The following DIAPH2 variants were observed in gnomAD, a reference collection of about 807,000 sequenced individuals.
DIAPH2 encodes diaphanous related formin 2, also known as protein diaphanous homolog 2.
In DIAPH2, 35 loss-of-function variants were observed where a neutral mutation model predicts 92.7. That is an observed-to-expected ratio of 0.38 (90% CI 0.29 to 0.50). The LOEUF is 0.50. Ranked by LOEUF, DIAPH2 falls within the 20% of genes least tolerant of loss-of-function variation. The probability of loss-of-function intolerance (pLI) is 0.94; values close to 1 mark genes in which losing one functional copy is unlikely to be tolerated. For synonymous variants in DIAPH2, 301 were observed against 280.4 expected, an observed-to-expected ratio of 1.07 and a Z score of -0.73; for missense variants, 701 against 819.5, an observed-to-expected ratio of 0.86 and a Z score of 1.77.
chrX:97,293,398 A>G (rs1384078967), intron 23 of DIAPH2, among the ~76,000 whole-genome samples: 1 of 109,196 alleles, frequency 9.2e-6, no homozygotes, highest in Non-Finnish European at 1.9e-5. Flanking sequence ...GATTACAGGC[A>G]TGCACCACCA....
At chrX:97,264,879 G>T (rs1456617932) in intron 23 of DIAPH2, among the ~76,000 whole-genome samples, 2 of 111,016 alleles carry the variant, frequency 1.8e-5, no homozygotes, top group Admixed American at 9.6e-5. Context: ...AGCTACTTGC[G>T]AGGCTGAGGC....
chrX:96,908,262 A>G (rs1377719670), intron 5 of DIAPH2, among the ~76,000 whole-genome samples: 1 of 111,882 alleles, frequency 8.9e-6, no homozygotes, highest in Non-Finnish European at 1.9e-5. Context: ...TAAAAAGGAA[A>G]GAAAAAATAA....
intron 23 of DIAPH2, among the ~76,000 whole-genome samples, chrX:97,326,364 A>G (rs1382193654): frequency 1.8e-5 from 2 of 112,054 alleles, no homozygotes; most frequent in Admixed American, 1.9e-4. Flanking sequence ...TGCGACCGCC[A>G]TATATTATTA....
chrX:97,560,981 C>T (rs2071290303), intron 26 of DIAPH2, among the ~76,000 whole-genome samples: 1 of 112,107 alleles, frequency 8.9e-6, no homozygotes, highest in South Asian at 3.8e-4. Context: ...CACACATTAC[C>T]ATGCATTTCA....
At chrX:97,554,399 C>T (rs2071243318) in intron 26 of DIAPH2, among the ~76,000 whole-genome samples, 1 of 112,252 alleles carries the variant, frequency 8.9e-6, no homozygotes, top group South Asian at 3.7e-4. Flanking sequence ...ATGCTTAACT[C>T]ATTGTTAAAT....
intron 23 of DIAPH2, among the ~76,000 whole-genome samples, chrX:97,310,737 G>A (rs1321541049): frequency 9.0e-6 from 1 of 111,523 alleles, no homozygotes; most frequent in Non-Finnish European, 1.9e-5. Flanking sequence ...GGTGTGGTGG[G>A]GTGGCTCGCG....
intron 26 of DIAPH2, among the ~76,000 whole-genome samples, chrX:97,597,601 G>T (rs930865655): frequency 2.7e-5 from 3 of 111,894 alleles, no homozygotes; most frequent in Non-Finnish European, 5.6e-5. Flanking sequence ...TCATTCTCAC[G>T]TCTGGTAGCT....
chrX:97,302,841 G>A (rs1165620033), intron 23 of DIAPH2, among the ~76,000 whole-genome samples: 1 of 111,079 alleles, frequency 9.0e-6, no homozygotes, highest in Non-Finnish European at 1.9e-5. Context: ...AAAATTAGCC[G>A]GGCGCGGTGT....
intron 17 of DIAPH2, among the ~76,000 whole-genome samples, chrX:97,047,844 T>C (rs1265254211): frequency 9.1e-6 from 1 of 110,446 alleles, no homozygotes; most frequent in Non-Finnish European, 1.9e-5. Context: ...GCTTTTATCA[T>C]TGACATCATA....
rs1244583512 is a variant in DIAPH2 at position 97,270,632 on chromosome X, C to T, written c.2844+22793C>T. On this transcript the variant is annotated intron_variant, in intron 23 of 26. Coordinates refer to ENST00000324765, the MANE Select transcript of DIAPH2 (RefSeq NM_006729.5). ...TCTGTTTCAGTACCTATAGAAACGA[C>T]AAGGACTTAACCAGCTCTTGAAACA... 2.7e-5 allele frequency among the ~76,000 whole-genome samples: 3 copies of T among 111,769 alleles called. No homozygotes were observed. In the East Asian group the frequency reaches 8.5e-4, roughly 32 times the overall value.
At chrX:97,481,442 G>T (rs757622613) in intron 26 of DIAPH2, among the ~76,000 whole-genome samples, 45 of 111,763 alleles carry the variant, frequency 4.0e-4, no homozygotes, top group African/African-American at 1.5e-3. Flanking sequence ...CAGGATTCTT[G>T]CTGAAGTCAG....
At chrX:97,081,804 G>A (rs1489180286) in intron 19 of DIAPH2, 1 of 94,807 alleles carries the variant, frequency 1.1e-5, no homozygotes, top group African/African-American at 4.0e-5. Context: ...TGGGCAACAA[G>A]AGGGAAACTC....
intron 23 of DIAPH2, among the ~76,000 whole-genome samples, chrX:97,307,908 C>CAAAAAAAAAAAA (rs34217377): frequency 1.5e-5 from 1 of 64,846 alleles, no homozygotes; most frequent in Non-Finnish European, 2.9e-5. Context: ...GACTCTGTCT[C>CAAAAAAAAAAAA]AAAAAAAAAA....
At chrX:97,212,590 G>GT (rs57173350) in intron 22 of DIAPH2, among the ~76,000 whole-genome samples, 2,018 of 67,783 alleles carry the variant, frequency 0.03, 18 homozygotes, top group African/African-American at 0.043. Context: ...AGGGTTTTTT[G>GT]TTTTTTTTTT....
intron 26 of DIAPH2, among the ~76,000 whole-genome samples, chrX:97,580,091 A>C (rs1325831876): frequency 9.0e-6 from 1 of 111,210 alleles, no homozygotes; most frequent in African/African-American, 3.3e-5. Flanking sequence ...GGTTTTCTAG[A>C]TATACAATCA....
intron 23 of DIAPH2, among the ~76,000 whole-genome samples, chrX:97,316,651 G>A (rs942328780): frequency 2.7e-5 from 3 of 111,414 alleles, no homozygotes; most frequent in Non-Finnish European, 5.7e-5. Flanking sequence ...GGGAGACTCC[G>A]TCTCAAGAAA....
intron 23 of DIAPH2, among the ~76,000 whole-genome samples, chrX:97,334,870 C>T (rs2069039308): frequency 9.4e-6 from 1 of 106,334 alleles, no homozygotes; most frequent in South Asian, 4.3e-4. Context: ...AATCCCAGCT[C>T]TTCAGGAGAC....
rs376019670 is a variant in DIAPH2, at chrX:97,414,085, C to T, written c.3146-15565C>T. Among the ~76,000 whole-genome samples, 7 of 111,615 alleles carry T rather than the reference C, an allele frequency of 6.3e-5. No homozygotes were observed. The East Asian group carries it at 8.4e-4, about 13-fold the overall frequency. Reference sequence around the variant, plus strand: ...TTCACATGGAACCAAAAAAAGAGCCCGCATTGTCAAGACAATCCTAAGCCA... The same window carrying T: ...TTCACATGGAACCAAAAAAAGAGCCTGCATTGTCAAGACAATCCTAAGCCA... On this transcript the variant is annotated intron_variant, in intron 25 of 26. Transcript: ENST00000324765.
chrX:97,167,240 T>A (rs1481918199), intron 22 of DIAPH2, among the ~76,000 whole-genome samples: 1 of 112,049 alleles, frequency 8.9e-6, no homozygotes, highest in African/African-American at 3.2e-5. Flanking sequence ...AACTTTTTTT[T>A]TTATCTTAGA....
Sources: allele counts gnomAD v4.1 joint callset (sites outside exome capture counted in the v4.1 genomes callset), GRCh38; gene constraint gnomAD v4.1.1; transcripts MANE v1.5; gene names NCBI Gene and HGNC (gene_info 2026-07-23, HGNC 2026-07-21).